SOAT1: variants seen among roughly 807,000 people sequenced by gnomAD.
SOAT1 encodes acyl-coenzyme A:cholesterol acyltransferase 1.
SOAT1 carries 55 observed loss-of-function variants against 69.5 expected under a neutral mutation model. The ratio of observed to expected loss-of-function variants is 0.79; its 90% CI spans 0.64 to 0.99. SOAT1 has a LOEUF of 0.99. Ranked by LOEUF, SOAT1 falls within the 50% of genes least tolerant of loss-of-function variation. SOAT1 has a pLI of 0.00. For synonymous variants in SOAT1, 231 were observed against 224.7 expected, an observed-to-expected ratio of 1.03 and a Z score of -0.25; for missense variants, 580 against 669.3, an observed-to-expected ratio of 0.87 and a Z score of 1.47.
intron 3 of SOAT1, among the ~76,000 whole-genome samples, chr1:179,329,091 T>C (rs925805091): frequency 6.6e-6 from 1 of 151,970 alleles, no homozygotes; most frequent in Non-Finnish European, 1.5e-5. Flanking sequence ...GTTTGCTTCT[T>C]ATATAGCATT....
intron 2 of SOAT1, among the ~76,000 whole-genome samples, chr1:179,312,440 C>A (rs1665251390): frequency 6.6e-6 from 1 of 152,176 alleles, no homozygotes; most frequent in South Asian, 2.1e-4. Context: ...GTCTCTTTCC[C>A]TGTCTTTCTC....
chr1:179,305,603 G>T (rs896979466), intron 2 of SOAT1, among the ~76,000 whole-genome samples: 2 of 152,204 alleles, frequency 1.3e-5, no homozygotes, highest in African/African-American at 4.8e-5. Flanking sequence ...ATACGTAAGA[G>T]TTGAGTTGCT....
chr1:179,333,272 T>G (rs1666031507), intron 3 of SOAT1, among the ~76,000 whole-genome samples: 1 of 152,142 alleles, frequency 6.6e-6, no homozygotes, highest in African/African-American at 2.4e-5. Flanking sequence ...TGTAATAGTT[T>G]CTATCCTGCC....
intron 5 of SOAT1, 149 bp from the exon 6 acceptor site, chr1:179,339,289 A>G (rs1666253481): frequency 2.0e-6 from 1 of 496,132 alleles, no homozygotes; most frequent in African/African-American, 2.0e-5. Context: ...GTTTTAAAGA[A>G]TGTAGACCAT....
At chr1:179,319,031 C>T (rs1571421105) in intron 2 of SOAT1, among the ~76,000 whole-genome samples, 1 of 152,112 alleles carries the variant, frequency 6.6e-6, no homozygotes, top group Non-Finnish European at 1.5e-5. Flanking sequence ...TTTTTCAAAG[C>T]ACTACACCAT....
intron 2 of SOAT1, among the ~76,000 whole-genome samples, chr1:179,318,801 G>T (rs1665488169): frequency 6.6e-6 from 1 of 151,864 alleles, no homozygotes; most frequent in African/African-American, 2.4e-5. Context: ...TATTTCTTTT[G>T]GTTTATTGTT....
chr1:179,346,479 G>T (rs1165689330), intron 11 of SOAT1, among the ~76,000 whole-genome samples: 1 of 152,138 alleles, frequency 6.6e-6, no homozygotes, highest in Non-Finnish European at 1.5e-5. Flanking sequence ...GTAGGTATTT[G>T]CCTGGCAGAG....
In SOAT1 at chr1:179,356,534, T is replaced by A. The variant is rs1666913517; in HGVS notation, c.*2893T>A. 1 of 139,620 alleles carries A rather than the reference T, an allele frequency of 7.2e-6. No individual in the cohort carries two copies. The highest frequency in any genetic ancestry group is 1.6e-5 in the Non-Finnish European group (1 of 62,612). The allele number at this position is 139,620 out of a possible 1,614,324, so 8.6% of individuals were successfully genotyped here. A position where few individuals can be genotyped will look rare whatever the true frequency, so the allele number is the denominator to read the frequency against. The stretch of plus-strand genomic sequence containing the variant: ...GTCGCCCAGGCCAGTTTTTTTTTTC[T>A]TGTACAGATGGGGTTTTACCATGTT... On this transcript the variant is annotated 3_prime_UTR_variant, in exon 16 of 16. Coordinates refer to ENST00000367619, the MANE Select transcript of SOAT1 (RefSeq NM_003101.6).
At chr1:179,315,289 T>G (rs1050591187) in intron 2 of SOAT1, among the ~76,000 whole-genome samples, 1 of 151,924 alleles carries the variant, frequency 6.6e-6, no homozygotes, top group African/African-American at 2.4e-5. Flanking sequence ...TACAAAAAAA[T>G]TTTTTTTAAT....
chr1:179,302,802 G>A lies in SOAT1; in HGVS notation c.118G>A (p.Gly40Ser). ...AKESLETPSN[G>S]RIDIKQLIAK... The stretch of plus-strand genomic sequence containing the variant: ...GGAGTCCCTAGAGACACCTAGTAAT[G>A]GTGAGGCTTAATTTTTTTTTTTTAG... Residue 40 changes from glycine to serine, a missense_variant and splice_region_variant, in exon 2 of 16, where the codon GGT becomes AGT. Gly to Ser is a moderately conservative substitution (Grantham distance 56). Coordinates refer to ENST00000367619, the MANE Select transcript of SOAT1 (RefSeq NM_003101.6). 1 of 1,550,758 alleles carries A rather than the reference G, an allele frequency of 6.4e-7. No individual in the cohort carries two copies. The highest frequency in any genetic ancestry group is 1.2e-5 in the South Asian group (1 of 82,374).
intron 15 of SOAT1, among the ~76,000 whole-genome samples, chr1:179,353,208 A>T (rs12408328): frequency 2.4e-4 from 2 of 8,204 alleles, no homozygotes; most frequent in Admixed American, 1.1e-3. Context: ...GTTATATATA[A>T]ATATATATAT....
chr1:179,319,642 A>C (rs573469956), intron 2 of SOAT1, among the ~76,000 whole-genome samples: 2 of 152,026 alleles, frequency 1.3e-5, no homozygotes, highest in Non-Finnish European at 2.9e-5. Flanking sequence ...TTTTTGAGAC[A>C]GTCTTGCTCT....
intron 2 of SOAT1, among the ~76,000 whole-genome samples, chr1:179,322,777 A>G (rs1052923864): frequency 6.9e-6 from 1 of 145,816 alleles, no homozygotes; most frequent in Non-Finnish European, 1.5e-5. Flanking sequence ...GTAGAGACAG[A>G]CAGATTTCCT....
intron 3 of SOAT1, among the ~76,000 whole-genome samples, chr1:179,323,747 C>T (rs1665686416): frequency 6.6e-6 from 1 of 152,108 alleles, no homozygotes; most frequent in African/African-American, 2.4e-5. Flanking sequence ...TTTAGTGACC[C>T]ACGTTAACAG....
chr1:179,321,521 A>G (rs1419327245), intron 2 of SOAT1, among the ~76,000 whole-genome samples: 2 of 152,172 alleles, frequency 1.3e-5, no homozygotes, highest in Non-Finnish European at 2.9e-5. Flanking sequence ...GTATAACATA[A>G]TGATTTCCTC....
chr1:179,347,630 C>A lies in SOAT1; in HGVS notation c.1148C>A (p.Ala383Asp). The A allele has an allele frequency of 6.2e-7, 1 of 1,611,374 alleles. No homozygotes were observed. The highest frequency in any genetic ancestry group is 1.7e-5 in the Admixed American group (1 of 59,690). The change falls in exon 12 of 16, where the codon GCC becomes GAC. Residue 383 changes from alanine to aspartate, a missense_variant. Coordinates refer to ENST00000367619, the MANE Select transcript of SOAT1 (RefSeq NM_003101.6). ...CTGATTCTCTTCCTTACTTTTTTTG[C>A]CTTTTTGCACTGCTGGCTCAATGCC... ...GVLILFLTFF[A>D]FLHCWLNAFA...
At chr1:179,344,906 T>G in intron 10 of SOAT1, 41 bp from the exon 11 acceptor site, 4 of 1,609,912 alleles carry the variant, frequency 2.5e-6, no homozygotes, top group Non-Finnish European at 3.4e-6. Context: ...TCCATCTTAT[T>G]AAGCCATCGT....
chr1:179,331,000 G>C (rs1665950831), intron 3 of SOAT1, among the ~76,000 whole-genome samples: 2 of 152,162 alleles, frequency 1.3e-5, no homozygotes, highest in African/African-American at 4.8e-5. Flanking sequence ...TACTAAGAAA[G>C]GGGGTAGGCA....
chr1:179,302,741 T>A lies in SOAT1; in HGVS notation c.57T>A (p.Asn19Lys), dbSNP rs1326828075. The change falls in exon 2 of 16, where the codon AAT becomes AAA. Residue 19 changes from asparagine (N) to lysine (K), a missense_variant. Asn to Lys is a moderately conservative substitution (Grantham distance 94, BLOSUM62 0). Coordinates refer to ENST00000367619, the MANE Select transcript of SOAT1 (RefSeq NM_003101.6). ...ACCGGCTGTCAAAGTCCAGGGAAAA[T>A]CCTGAGGAAGATGAAGACCAGAGAA... ...LRNRLSKSRE[N>K]PEEDEDQRNP... The A allele has an allele frequency of 6.2e-7, 1 of 1,610,454 alleles. No individual in the cohort carries two copies. Among genetic ancestry groups the A allele is most frequent in the East Asian group, 2.2e-5 (1 of 44,798 alleles).
Sources: gnomAD v4.1 joint callset for allele counts (sites outside exome capture counted in the v4.1 genomes callset) on GRCh38, gnomAD v4.1.1 for gene constraint, MANE v1.5 for transcripts, NCBI Gene and HGNC (gene_info 2026-07-23, HGNC 2026-07-21) for gene names.